EDIL3: variants seen among roughly 807,000 people sequenced by gnomAD.
The protein encoded by EDIL3 is EGF like and discoidin domains 3.
In EDIL3, 37 loss-of-function variants were observed where a neutral mutation model predicts 67.4. The observed-to-expected ratio is 0.55, with a 90% CI of 0.42 to 0.72. The LOEUF (loss-of-function observed/expected upper bound fraction) is 0.72. Among genes scored for constraint, EDIL3 ranks in the 30% least tolerant of loss-of-function variants. The pLI is 0.00. For missense variants in EDIL3, 527 were observed against 586.3 expected (o/e 0.90, Z 1.04); for synonymous variants, 195 against 196.3 (o/e 0.99, Z 0.05).
chr5:84,035,071 T>C (rs1391349922), intron 9 of EDIL3, among the ~76,000 whole-genome samples: 1 of 152,114 alleles, frequency 6.6e-6, no homozygotes, highest in Non-Finnish European at 1.5e-5. Flanking sequence ...CTTAGAATGT[T>C]TTTCAAGCTA....
chr5:84,272,085 C>T (rs1029554885), intron 1 of EDIL3, among the ~76,000 whole-genome samples: 29 of 152,116 alleles, frequency 1.9e-4, no homozygotes, highest in Non-Finnish European at 1.0e-4. Flanking sequence ...GCAATAACAA[C>T]GCTCACACTT....
intron 9 of EDIL3, among the ~76,000 whole-genome samples, chr5:84,011,305 C>A (rs1393593242): frequency 6.6e-6 from 1 of 152,154 alleles, no homozygotes; most frequent in East Asian, 1.9e-4. Flanking sequence ...TTCTCCTGGC[C>A]CTCAAAGCCT....
At chr5:84,132,464 T>A (rs1344283812) in intron 5 of EDIL3, among the ~76,000 whole-genome samples, 2 of 103,964 alleles carry the variant, frequency 1.9e-5, no homozygotes, top group African/African-American at 8.0e-5. Context: ...TTATGTATTT[T>A]ATATATAATA....
At chr5:84,212,137 A>G (rs1268889622) in intron 3 of EDIL3, among the ~76,000 whole-genome samples, 3 of 152,178 alleles carry the variant, frequency 2.0e-5, no homozygotes, top group African/African-American at 4.8e-5. Flanking sequence ...GATACTATAC[A>G]GGTATTGATC....
intron 9 of EDIL3, among the ~76,000 whole-genome samples, chr5:84,002,525 T>C (rs1015762719): frequency 3.3e-5 from 5 of 152,178 alleles, no homozygotes; most frequent in South Asian, 2.1e-4. Context: ...TATGTTATTT[T>C]TGGAAAACCC....
intron 9 of EDIL3, among the ~76,000 whole-genome samples, chr5:84,014,412 C>G (rs1348879228): frequency 6.6e-6 from 1 of 152,116 alleles, no homozygotes; most frequent in East Asian, 1.9e-4. Context: ...TTTGGGAGGC[C>G]AAGGCAGGCG....
chr5:84,259,473 T>C (rs1055542043), intron 1 of EDIL3, among the ~76,000 whole-genome samples: 3 of 152,234 alleles, frequency 2.0e-5, no homozygotes, highest in African/African-American at 7.2e-5. Context: ...GTGTTTAATT[T>C]GATTCTAACC....
chr5:84,027,850 CT>C (rs1345429431), intron 9 of EDIL3, among the ~76,000 whole-genome samples: 1 of 152,078 alleles, frequency 6.6e-6, no homozygotes, highest in Non-Finnish European at 1.5e-5. Flanking sequence ...CCTGAAGACA[CT>C]TTGTAATATT....
At chr5:84,335,731 G>A (rs1746973092) in intron 1 of EDIL3, among the ~76,000 whole-genome samples, 1 of 152,084 alleles carries the variant, frequency 6.6e-6, no homozygotes, top group South Asian at 2.1e-4. Context: ...AAGGTAGAGG[G>A]GTTATGGAAG....
At chr5:84,156,895 C>A (rs1360221648) in intron 4 of EDIL3, among the ~76,000 whole-genome samples, 1 of 152,066 alleles carries the variant, frequency 6.6e-6, no homozygotes, top group Admixed American at 6.6e-5. Context: ...CTTTCTTCAA[C>A]ATATATTCAT....
intron 6 of EDIL3, among the ~76,000 whole-genome samples, chr5:84,092,037 C>T (rs1013455765): frequency 6.6e-6 from 1 of 152,078 alleles, no homozygotes; most frequent in African/African-American, 2.4e-5. Flanking sequence ...AGGAACTCAG[C>T]GTGCTAACTC....
chr5:84,045,451 G>A (rs186182001), intron 9 of EDIL3, among the ~76,000 whole-genome samples: 218 of 152,144 alleles, frequency 1.4e-3, no homozygotes, highest in Middle Eastern at 3.4e-3. Context: ...AGGAACCTAA[G>A]CAATTAGTTC....
At chr5:84,285,159 T>C (rs1207779391) in intron 1 of EDIL3, among the ~76,000 whole-genome samples, 5 of 152,138 alleles carry the variant, frequency 3.3e-5, no homozygotes, top group Non-Finnish European at 7.4e-5. Flanking sequence ...CCCTTTTAAG[T>C]GTCAAAAAAA....
chr5:84,092,675 A>T (rs1464196560), intron 6 of EDIL3, among the ~76,000 whole-genome samples: 2 of 152,198 alleles, frequency 1.3e-5, no homozygotes, highest in African/African-American at 4.8e-5. Flanking sequence ...CTTGGAGAAG[A>T]TAATTTTACA....
rs935306974 is a variant in EDIL3, at chr5:84,166,332, T to C, written c.355+14061A>G. Among the ~76,000 whole-genome samples, 4 of 152,078 alleles carry C rather than the reference T, an allele frequency of 2.6e-5. No individual in the cohort carries two copies. In the South Asian group the frequency reaches 8.3e-4, roughly 31 times the overall value. On this transcript the variant is annotated intron_variant, in intron 4 of 10. Transcript: ENST00000296591. ...CTTAAAGACACATACTATTTAAGAG[T>C]TTTTGTTTGTTTGTTTGTTCTCCCT...
intron 9 of EDIL3, among the ~76,000 whole-genome samples, chr5:84,025,098 T>A (rs985421410): frequency 3.9e-5 from 6 of 152,096 alleles, no homozygotes; most frequent in African/African-American, 1.4e-4. Context: ...CTTAAATGTA[T>A]CCCTTGAAAT....
chr5:84,344,946 AC>A (rs1747206815), intron 1 of EDIL3, among the ~76,000 whole-genome samples: 1 of 152,146 alleles, frequency 6.6e-6, no homozygotes, highest in Admixed American at 6.5e-5. Flanking sequence ...GATCACTTAT[AC>A]CAAAGCAAAT....
At chr5:84,204,248 T>C (rs1311435530) in intron 3 of EDIL3, among the ~76,000 whole-genome samples, 1 of 152,198 alleles carries the variant, frequency 6.6e-6, no homozygotes, top group Non-Finnish European at 1.5e-5. Context: ...TCAAATTTAC[T>C]TTCATATACT....
At chr5:84,224,116 A>C (rs1310915759) in intron 3 of EDIL3, among the ~76,000 whole-genome samples, 1 of 151,498 alleles carries the variant, frequency 6.6e-6, no homozygotes. Flanking sequence ...TGATATGAAC[A>C]AAACAATAAG....
Sources: gnomAD v4.1 joint callset for allele counts (sites outside exome capture counted in the v4.1 genomes callset) on GRCh38, gnomAD v4.1.1 for gene constraint, MANE v1.5 for transcripts, NCBI Gene and HGNC (gene_info 2026-07-23, HGNC 2026-07-21) for gene names.